APBB2: variants seen among roughly 807,000 people sequenced by gnomAD.
The protein encoded by APBB2 is amyloid beta precursor protein binding family B member 2.
Under a neutral mutation model 82.5 loss-of-function variants are expected in APBB2, and 38 were observed. The observed-to-expected ratio is 0.46, with a 90% CI of 0.36 to 0.60. The LOEUF (loss-of-function observed/expected upper bound fraction) is 0.60. Ranked by LOEUF, APBB2 falls within the 20% of genes least tolerant of loss-of-function variation. APBB2 has a pLI of 0.00. For missense variants in APBB2, 772 were observed against 972.3 expected, an observed-to-expected ratio of 0.79 and a Z score of 2.74; for synonymous variants, 341 against 368.2, an observed-to-expected ratio of 0.93 and a Z score of 0.85.
At chr4:41,180,001 T>C (rs1438565297) in intron 1 of APBB2, among the ~76,000 whole-genome samples, 2 of 152,240 alleles carry the variant, frequency 1.3e-5, no homozygotes, top group South Asian at 4.1e-4. Flanking sequence ...CAACTAATCC[T>C]TCTCTTTCTT....
At chr4:40,966,633 T>C (rs774826490) in intron 6 of APBB2, among the ~76,000 whole-genome samples, 43 of 152,314 alleles carry the variant, frequency 2.8e-4, no homozygotes, top group Admixed American at 9.2e-4. Flanking sequence ...TGGCTGAGCC[T>C]GGGCACTGTC....
At chr4:41,023,357 A>C (rs1359987003) in intron 5 of APBB2, among the ~76,000 whole-genome samples, 1 of 152,208 alleles carries the variant, frequency 6.6e-6, no homozygotes, top group Non-Finnish European at 1.5e-5. Context: ...GCCTTGAGGA[A>C]AGTGACTATT....
intron 6 of APBB2, among the ~76,000 whole-genome samples, chr4:41,003,647 T>C (rs1805834504): frequency 6.6e-6 from 1 of 152,182 alleles, no homozygotes; most frequent in Admixed American, 6.5e-5. Flanking sequence ...ACCAGAAGCT[T>C]GGAAGAGGCA....
intron 12 of APBB2, chr4:40,842,295 TG>T: frequency 4.7e-6 from 2 of 427,218 alleles, no homozygotes; most frequent in Non-Finnish European, 9.6e-6. Flanking sequence ...CAATGCGACA[TG>T]AAGAAAGCAA....
At chr4:41,149,059 A>G (rs1270792915) in intron 1 of APBB2, among the ~76,000 whole-genome samples, 1 of 152,146 alleles carries the variant, frequency 6.6e-6, no homozygotes, top group Admixed American at 6.5e-5. Context: ...TCCAGGCCAC[A>G]TTTTACAATA....
chr4:40,945,851 G>A (rs1020464979), intron 6 of APBB2, among the ~76,000 whole-genome samples: 8 of 152,148 alleles, frequency 5.3e-5, no homozygotes, highest in Non-Finnish European at 1.0e-4. Flanking sequence ...CTCGTGATCC[G>A]CCAACCTTGG....
intron 6 of APBB2, among the ~76,000 whole-genome samples, chr4:41,001,404 G>A (rs1463045201): frequency 6.6e-6 from 1 of 152,152 alleles, no homozygotes; most frequent in Non-Finnish European, 1.5e-5. Context: ...GCCATTTATA[G>A]GATAAAGATC....
chr4:41,078,206 GA>G (rs11295958), intron 3 of APBB2, among the ~76,000 whole-genome samples: 28,364 of 149,632 alleles, frequency 0.19, 2,754 homozygotes, highest in African/African-American at 0.24. Context: ...GACTAAAATG[GA>G]AAAAAAAAAT....
At chr4:41,019,715 A>G (rs1001190811) in intron 5 of APBB2, among the ~76,000 whole-genome samples, 1 of 152,196 alleles carries the variant, frequency 6.6e-6, no homozygotes, top group African/African-American at 2.4e-5. Flanking sequence ...GGAAAAGGCC[A>G]GAGGTCAGAG....
At position 40,861,479 on chromosome 4, in the gene APBB2, A is replaced by G. The variant is rs139098294; in HGVS notation, c.1529+28885T>C. On this transcript the variant is annotated intron_variant, in intron 12 of 17. Coordinates refer to ENST00000508593, the MANE Select transcript of APBB2 (RefSeq NM_004307.2). ...GAGTTTGAGGCTGCAGAGAGCTATG[A>G]TCTTGCCACTGCACTCCAGCCTGGA... Among the ~76,000 whole-genome samples the G allele has an allele frequency of 4.5e-3, 687 of 152,292 alleles. 5 individuals carry two copies. The highest frequency in any genetic ancestry group is 0.016 in the African/African-American group (651 of 41,552).
intron 1 of APBB2, among the ~76,000 whole-genome samples, chr4:41,159,943 GAGAAGGAGA>G (rs1304066267): frequency 4.8e-4 from 23 of 47,674 alleles, no homozygotes; most frequent in East Asian, 4.5e-3. Context: ...GGAGGAGGAG[GAGAAGGAGA>G]AGGAGAAGGA....
chr4:41,084,438 GA>G (rs369505642), intron 3 of APBB2, among the ~76,000 whole-genome samples: 1 of 150,504 alleles, frequency 6.6e-6, no homozygotes, highest in Non-Finnish European at 1.5e-5. Context: ...AAAAGAAAAA[GA>G]AAAAAAAAGA....
intron 12 of APBB2, among the ~76,000 whole-genome samples, chr4:40,884,745 C>G (rs1228106122): frequency 6.6e-6 from 1 of 152,088 alleles, no homozygotes; most frequent in Non-Finnish European, 1.5e-5. Flanking sequence ...GCCTGGGCAA[C>G]AGAGCAAGAC....
intron 4 of APBB2, among the ~76,000 whole-genome samples, chr4:41,050,644 A>G (rs2154459347): frequency 6.6e-6 from 1 of 152,344 alleles, no homozygotes; most frequent in East Asian, 1.9e-4. Context: ...AAATAGGTAC[A>G]GTCACAGTTA....
intron 12 of APBB2, among the ~76,000 whole-genome samples, chr4:40,839,463 A>G (rs903481185): frequency 3.3e-5 from 5 of 152,100 alleles, no homozygotes; most frequent in Non-Finnish European, 7.3e-5. Context: ...CTTACCAAGT[A>G]TCCACAATTT....
chr4:40,982,203 GAAAA>G (rs1798671393), intron 6 of APBB2, among the ~76,000 whole-genome samples: 1 of 32,794 alleles, frequency 3.0e-5, no homozygotes, highest in Non-Finnish European at 6.5e-5. Flanking sequence ...AGGAAAGAAA[GAAAA>G]GAAAGAAAAG....
At chr4:40,968,598 T>C (rs1029620552) in intron 6 of APBB2, among the ~76,000 whole-genome samples, 2 of 152,200 alleles carry the variant, frequency 1.3e-5, no homozygotes, top group Non-Finnish European at 2.9e-5. Context: ...CATTTCCTTA[T>C]GCCCCATTCC....
At chr4:40,964,563 G>T (rs1794132276) in intron 6 of APBB2, among the ~76,000 whole-genome samples, 1 of 152,052 alleles carries the variant, frequency 6.6e-6, no homozygotes, top group Non-Finnish European at 1.5e-5. Context: ...GAATGTGCGG[G>T]GTGCTCCCTG....
intron 7 of APBB2, among the ~76,000 whole-genome samples, chr4:40,941,789 C>T (rs748718603): frequency 1.3e-5 from 2 of 152,092 alleles, no homozygotes; most frequent in African/African-American, 2.4e-5. Flanking sequence ...TACCACCACA[C>T]CTGGCTAATT....
Sources: allele counts gnomAD v4.1 joint callset (sites outside exome capture counted in the v4.1 genomes callset), GRCh38; gene constraint gnomAD v4.1.1; transcripts MANE v1.5; gene names NCBI Gene and HGNC (gene_info 2026-07-23, HGNC 2026-07-21).